THSD4: variants seen among roughly 807,000 people sequenced by gnomAD.
THSD4 encodes thrombospondin type 1 domain containing 4, also known as thrombospondin type-1 domain-containing protein 4.
A neutral mutation model predicts 119.0 loss-of-function variants in THSD4; 69 were observed. The observed-to-expected ratio is 0.58, with a 90% CI of 0.48 to 0.71. THSD4 has a LOEUF of 0.71. Among genes scored for constraint, THSD4 ranks in the 30% least tolerant of loss-of-function variants. The probability of loss-of-function intolerance (pLI) is 0.00; values close to 1 mark genes in which losing one functional copy is unlikely to be tolerated. For missense variants in THSD4, 1,393 were observed against 1,391.1 expected (o/e 1.00, Z -0.02); for synonymous variants, 524 against 540.4 (o/e 0.97, Z 0.42).
intron 7 of THSD4, among the ~76,000 whole-genome samples, chr15:71,554,330 C>T (rs1438311675): frequency 8.6e-5 from 13 of 151,682 alleles, no homozygotes; most frequent in African/African-American, 2.7e-4. Context: ...CTCCTGACCT[C>T]GTGATCTGCC....
At chr15:71,730,196 G>C (rs1011726475) in intron 9 of THSD4, 2 of 152,222 alleles carry the variant, frequency 1.3e-5, no homozygotes, top group Non-Finnish European at 2.9e-5. Context: ...AAAAACTGCA[G>C]GGTGAAGGGG....
chr15:71,324,939 T>G (rs1185696579), intron 6 of THSD4, among the ~76,000 whole-genome samples: 2 of 152,222 alleles, frequency 1.3e-5, no homozygotes, highest in Non-Finnish European at 2.9e-5. Context: ...TGTGTATAAG[T>G]GTTCCCTTTT....
intron 7 of THSD4, among the ~76,000 whole-genome samples, chr15:71,529,310 C>T (rs879891312): frequency 1.1e-4 from 16 of 152,264 alleles, no homozygotes; most frequent in South Asian, 2.1e-4. Flanking sequence ...TTTGCCTTAA[C>T]GAATAAACTT....
At chr15:71,111,930 A>T, upstream of THSD4, 1 of 592,874 alleles carries the variant, frequency 1.7e-6, no homozygotes, top group Non-Finnish European at 2.9e-6. Flanking sequence ...CATTTGGGAC[A>T]CTCTGCATCA....
At chr15:71,215,004 C>T in intron 3 of THSD4, 31 bp from the exon 4 acceptor site, 2 of 1,242,170 alleles carry the variant, frequency 1.6e-6, no homozygotes, top group Non-Finnish European at 2.0e-6. Flanking sequence ...GAGCGGTGTT[C>T]TGGTCCCCTA....
intron 6 of THSD4, among the ~76,000 whole-genome samples, chr15:71,367,728 G>T (rs569061750): frequency 6.6e-6 from 1 of 152,380 alleles, no homozygotes; most frequent in East Asian, 1.9e-4. Context: ...ATTGTGAACA[G>T]TGCTGCAATA....
At chr15:71,770,961 C>G in intron 16 of THSD4, 103 bp from the exon 17 acceptor site, 1 of 1,505,794 alleles carries the variant, frequency 6.6e-7, no homozygotes, top group Non-Finnish European at 8.9e-7. Flanking sequence ...CATATTCTGT[C>G]TCCTTTTGGA....
intron 7 of THSD4, among the ~76,000 whole-genome samples, chr15:71,650,267 T>C (rs893707754): frequency 6.6e-6 from 1 of 152,118 alleles, no homozygotes; most frequent in African/African-American, 2.4e-5. Context: ...ATGCCTGAGG[T>C]ATTTACTCTC....
intron 8 of THSD4, among the ~76,000 whole-genome samples, chr15:71,680,467 T>C (rs1353826493): frequency 1.3e-5 from 2 of 152,082 alleles, no homozygotes; most frequent in African/African-American, 4.8e-5. Flanking sequence ...TAATTTCTGT[T>C]GGTAGGGTAA....
chr15:71,355,779 G>A (rs2045801981), intron 6 of THSD4, among the ~76,000 whole-genome samples: 1 of 152,066 alleles, frequency 6.6e-6, no homozygotes, highest in Admixed American at 6.5e-5. Context: ...CAGGACCCAG[G>A]GTCAGGGATG....
intron 6 of THSD4, among the ~76,000 whole-genome samples, chr15:71,343,118 C>T (rs2045604490): frequency 6.6e-6 from 1 of 152,174 alleles, no homozygotes; most frequent in Non-Finnish European, 1.5e-5. Context: ...AAGCCAGTGG[C>T]TCATGCCTGT....
intron 6 of THSD4, among the ~76,000 whole-genome samples, chr15:71,339,748 A>G (rs1307953257): frequency 6.6e-6 from 1 of 152,084 alleles, no homozygotes. Context: ...TGTAAAGCAG[A>G]TAAGTGCTCA....
rs138242439 is a variant in THSD4, at chr15:71,266,589, C to T, written c.1015+9874C>T. On this transcript the variant is annotated intron_variant, in intron 6 of 17. Coordinates refer to ENST00000261862, the MANE Select transcript of THSD4 (RefSeq NM_024817.3). ...TCACAGCTCCTTGCCAGCAAGGGAA[C>T]AAAACTGAACAGAGAATGAGTTTGA... 2.6e-5 allele frequency among the ~76,000 whole-genome samples: 4 copies of T among 151,924 alleles called. No homozygotes were observed. In the East Asian group the frequency reaches 5.9e-4, roughly 22 times the overall value.
chr15:71,126,723 A>G (rs2040459462), intron 1 of THSD4, among the ~76,000 whole-genome samples: 1 of 152,256 alleles, frequency 6.6e-6, no homozygotes, highest in Non-Finnish European at 1.5e-5. Context: ...AGGCAAATAA[A>G]GAAAATATAA....
chr15:71,270,837 T>A (rs945121501), intron 6 of THSD4, among the ~76,000 whole-genome samples: 1 of 54,840 alleles, frequency 1.8e-5, no homozygotes. Flanking sequence ...CTCTCTTTTT[T>A]TTTTTTTTAA....
intron 1 of THSD4, among the ~76,000 whole-genome samples, chr15:71,121,112 A>T (rs1481418893): frequency 1.3e-5 from 2 of 150,968 alleles, no homozygotes; most frequent in Non-Finnish European, 2.9e-5. Context: ...TTCCCCCTGA[A>T]ATGTCGCGTC....
At chr15:71,277,611 T>C (rs1337652448) in intron 6 of THSD4, among the ~76,000 whole-genome samples, 1 of 152,184 alleles carries the variant, frequency 6.6e-6, no homozygotes, top group Non-Finnish European at 1.5e-5. Flanking sequence ...ATTGAGTATA[T>C]GTAGGGATAT....
intron 3 of THSD4, among the ~76,000 whole-genome samples, chr15:71,173,553 TAC>T (rs139875962): frequency 4.2e-5 from 5 of 117,696 alleles, no homozygotes; most frequent in African/African-American, 1.4e-4. Context: ...AAAATAGACC[TAC>T]ACACACACAC....
chr15:71,473,456 G>A (rs1240278658), intron 7 of THSD4, among the ~76,000 whole-genome samples: 8 of 152,166 alleles, frequency 5.3e-5, no homozygotes, highest in African/African-American at 9.7e-5. Flanking sequence ...CCCTGAGCAC[G>A]GAATTACTTG....
Sources: allele counts gnomAD v4.1 joint callset (sites outside exome capture counted in the v4.1 genomes callset), GRCh38; gene constraint gnomAD v4.1.1; transcripts MANE v1.5; gene names NCBI Gene and HGNC (gene_info 2026-07-23, HGNC 2026-07-21).